DCBLD1: variants seen among roughly 807,000 people sequenced by gnomAD.
DCBLD1 encodes the protein discoidin, CUB and LCCL domain-containing protein 1.
Under a neutral mutation model 71.5 loss-of-function variants are expected in DCBLD1, and 57 were observed. The observed-to-expected ratio is 0.80, with a 90% CI of 0.64 to 0.99. The LOEUF is 0.99. DCBLD1 is among the 50% of genes least tolerant of loss of function. The pLI, the probability that DCBLD1 is intolerant of heterozygous loss-of-function variation, is 0.00. For missense variants in DCBLD1, 891 were observed against 923.5 expected (o/e 0.96, Z 0.46); for synonymous variants, 380 against 363.8 (o/e 1.04, Z -0.51).
chr6:117,538,945 A>G, intron 8 of DCBLD1, 110 bp downstream of exon 8: 1 of 1,114,232 alleles, frequency 9.0e-7, no homozygotes, highest in Non-Finnish European at 1.3e-6. Flanking sequence ...ACCTACCTCC[A>G]AGTTCTTGAA....
intron 14 of DCBLD1, among the ~76,000 whole-genome samples, chr6:117,557,759 C>T (rs1779514602): frequency 6.6e-6 from 1 of 152,054 alleles, no homozygotes; most frequent in Middle Eastern, 3.4e-3. Flanking sequence ...AGTGAAACTC[C>T]GTCTCAAAAA....
At chr6:117,542,525 G>A (rs2134088) in intron 11 of DCBLD1, among the ~76,000 whole-genome samples, 15,794 of 152,116 alleles carry the variant, frequency 0.1, 893 homozygotes, top group Middle Eastern at 0.14. Flanking sequence ...GGCTGTCAAA[G>A]TGTCCTTTTT....
At chr6:117,513,826 G>A (rs552707105) in intron 2 of DCBLD1, among the ~76,000 whole-genome samples, 19 of 152,292 alleles carry the variant, frequency 1.2e-4, no homozygotes, top group Middle Eastern at 3.4e-3. Context: ...AAGTCACCGC[G>A]CTCTCATGTG....
At chr6:117,522,160 G>A (rs1778405698) in intron 4 of DCBLD1, among the ~76,000 whole-genome samples, 1 of 152,200 alleles carries the variant, frequency 6.6e-6, no homozygotes. Flanking sequence ...TCACTTTGAT[G>A]TACATTTGCT....
At chr6:117,494,565 A>C (rs1180175656) in intron 1 of DCBLD1, among the ~76,000 whole-genome samples, 1 of 152,148 alleles carries the variant, frequency 6.6e-6, no homozygotes, top group African/African-American at 2.4e-5. Context: ...CAGTTGTCTT[A>C]GAATTGTTTC....
In DCBLD1 at chr6:117,548,532, G is replaced by T; in HGVS notation, c.*93G>T. On this transcript the variant is annotated 3_prime_UTR_variant, in exon 15 of 15. Coordinates refer to ENST00000338728, the MANE Select transcript of DCBLD1 (RefSeq NM_001366458.2). ...GCCTGCTGGTCCAGAGTGTGCGTGT[G>T]TATCGGTGTGTGTGTACACTTGCAT... The T allele has an allele frequency of 6.6e-7, 1 of 1,515,830 alleles. No homozygotes were observed. The highest frequency in any genetic ancestry group is 8.8e-7 in the Non-Finnish European group (1 of 1,136,194). 93.9% of individuals were successfully genotyped at this position (1,515,830 alleles called of 1,614,324 possible).
rs1442297861 is a variant in DCBLD1 at position 117,545,556 on chromosome 6, A to G, written c.1574A>G (p.Glu525Gly). ...EFTISYDNEK[E>G]MTQKLDLITS... ...ACCATCAGCTATGATAATGAGAAGG[A>G]GATGACACAAAAGTTAGATCTCATC... The change falls in exon 14 of 15, where the codon GAG becomes GGG. Residue 525 changes from glutamate (E) to glycine (G), a missense_variant. Coordinates refer to ENST00000338728, the MANE Select transcript of DCBLD1 (RefSeq NM_001366458.2). 6.2e-7 allele frequency: 1 copy of G among 1,614,174 alleles called. No homozygotes were observed. Among genetic ancestry groups the G allele is most frequent in the Admixed American group, 1.7e-5 (1 of 60,024 alleles).
At position 117,561,968 on chromosome 6, in the gene DCBLD1, TA is replaced by T. The variant is rs553988627; in HGVS notation, c.1616-7648del. ...AGAAATGAAGATACTGATAATATTCTAAAAGCCTTGTAGGCTTTCTCCCACT... is the reference window on the plus strand; with the variant it reads ...AGAAATGAAGATACTGATAATATTCTAAAGCCTTGTAGGCTTTCTCCCACT... On this transcript the variant is annotated intron_variant, in intron 14 of 14. Coordinates refer to the DCBLD1 transcript ENST00000296955. 9.2e-5 allele frequency: 19 copies of T among 207,538 alleles called. No homozygotes were observed. In the South Asian group the frequency reaches 3.4e-3, roughly 37 times the overall value. 12.9% of individuals were successfully genotyped at this position (207,538 alleles called of 1,614,324 possible). A position where few individuals can be genotyped will look rare whatever the true frequency, so the allele number is the denominator to read the frequency against.
downstream of DCBLD1, among the ~76,000 whole-genome samples, chr6:117,552,993 A>G (rs555024421): frequency 2.0e-5 from 3 of 152,182 alleles, no homozygotes; most frequent in African/African-American, 7.2e-5. Flanking sequence ...TTTTCTTTCC[A>G]GGAGCCCCGA....
intron 14 of DCBLD1, among the ~76,000 whole-genome samples, chr6:117,568,016 C>G (rs1165929139): frequency 6.9e-6 from 1 of 143,896 alleles, no homozygotes; most frequent in Non-Finnish European, 1.5e-5. Flanking sequence ...CATGGCAAAA[C>G]CCATCTCTAC....
intron 7 of DCBLD1, among the ~76,000 whole-genome samples, chr6:117,537,835 A>G (rs1778952257): frequency 6.6e-6 from 1 of 151,872 alleles, no homozygotes; most frequent in Admixed American, 6.6e-5. Context: ...AGCAGAAAAT[A>G]TGTTTCTTTA....
chr6:117,501,130 C>CAT (rs1308643420), intron 1 of DCBLD1, among the ~76,000 whole-genome samples: 3 of 152,034 alleles, frequency 2.0e-5, no homozygotes, highest in Non-Finnish European at 4.4e-5. Context: ...TATTGAGATG[C>CAT]ATATTTGTTT....
chr6:117,499,558 A>G (rs1032812483), intron 1 of DCBLD1, among the ~76,000 whole-genome samples: 2 of 152,170 alleles, frequency 1.3e-5, no homozygotes, highest in African/African-American at 4.8e-5. Flanking sequence ...TATTTAATTA[A>G]CCTTTTTATT....
At chr6:117,492,971 C>A (rs1283789180) in intron 1 of DCBLD1, among the ~76,000 whole-genome samples, 1 of 152,148 alleles carries the variant, frequency 6.6e-6, no homozygotes, top group African/African-American at 2.4e-5. Flanking sequence ...TTCAGAAATG[C>A]CATTTTGGCT....
At chr6:117,561,052 G>C (rs1438010287) in intron 14 of DCBLD1, 3 of 222,594 alleles carry the variant, frequency 1.3e-5, no homozygotes, top group Non-Finnish European at 2.7e-5. Context: ...CACCGGACAG[G>C]AAGCTCACAG....
intron 2 of DCBLD1, among the ~76,000 whole-genome samples, chr6:117,511,634 T>A (rs1182805524): frequency 6.6e-6 from 1 of 152,210 alleles, no homozygotes; most frequent in Non-Finnish European, 1.5e-5. Context: ...CTGCATGTCA[T>A]TTTTTAGAAT....
chr6:117,520,351 A>C (rs1359382094), intron 3 of DCBLD1, among the ~76,000 whole-genome samples: 1 of 152,212 alleles, frequency 6.6e-6, no homozygotes, highest in Non-Finnish European at 1.5e-5. Flanking sequence ...GCTTATTAGC[A>C]TGTTAGATTG....
Position 117,482,909 on chromosome 6 carries a change from C to T in DCBLD1, c.112+16C>T. On this transcript the variant is annotated intron_variant, in intron 1 of 14. Coordinates refer to ENST00000338728, the MANE Select transcript of DCBLD1 (RefSeq NM_001366458.2). The stretch of plus-strand genomic sequence containing the variant: ...GAGGAGCTGGGTGAGTGGAGCGCGT[C>T]CGGCTGGCGGCGGGACCCGAGGCGC... The T allele has an allele frequency of 1.7e-6, 2 of 1,185,920 alleles. No homozygotes were observed. Among genetic ancestry groups the T allele is most frequent in the South Asian group, 3.2e-5 (1 of 31,682 alleles). The allele number at this position is 1,185,920 out of a possible 1,614,324, so 73.5% of individuals were successfully genotyped here.
In DCBLD1 at chr6:117,548,354, C is replaced by A. The variant is rs1035734006; in HGVS notation, c.2063C>A (p.Thr688Lys). The A allele has an allele frequency of 4.5e-6, 7 of 1,550,588 alleles. No homozygotes were observed. Among genetic ancestry groups the A allele is most frequent in the Non-Finnish European group, 6.1e-6 (7 of 1,147,004 alleles). Residue 688 changes from threonine to lysine, a missense_variant, in exon 15 of 15, where the codon ACG becomes AAG. By Grantham distance (78) the Thr-to-Lys change is moderately conservative. Transcript: ENST00000338728. ...SGHPDSQKPP[T>K]HPGTSDSYSA... is the part of the protein sequence containing the mutation. ...CACCCTGACTCTCAGAAGCCCCCAACGCATCCCGGGACGAGTGACAGCTAT... is the reference window on the plus strand; with the variant it reads ...CACCCTGACTCTCAGAAGCCCCCAAAGCATCCCGGGACGAGTGACAGCTAT...
Sources: allele counts gnomAD v4.1 joint callset (sites outside exome capture counted in the v4.1 genomes callset), GRCh38; gene constraint gnomAD v4.1.1; transcripts MANE v1.5; gene names NCBI Gene and HGNC (gene_info 2026-07-23, HGNC 2026-07-21).